Variants in ANKS1B observed in about 807,000 individuals in gnomAD.
ANKS1B encodes ankyrin repeat and sterile alpha motif domain containing 1B.
Under a neutral mutation model 148.3 loss-of-function variants are expected in ANKS1B, and 36 were observed. The observed-to-expected ratio is 0.24, with a 90% CI of 0.19 to 0.32. The LOEUF is 0.32. ANKS1B is among the 10% of genes least tolerant of loss of function. The pLI is 1.00. For missense variants in ANKS1B, 1,157 were observed against 1,542.6 expected (o/e 0.75, Z 4.19); for synonymous variants, 542 against 560.8 (o/e 0.97, Z 0.47).
chr12:99,413,600 T>TA (rs2094792658), intron 11 of ANKS1B, among the ~76,000 whole-genome samples: 1 of 152,198 alleles, frequency 6.6e-6, no homozygotes, highest in Non-Finnish European at 1.5e-5. Context: ...ATTAAACTCT[T>TA]ACAGTCACTA....
At chr12:98,887,585 A>T (rs2152583702) in intron 17 of ANKS1B, among the ~76,000 whole-genome samples, 1 of 151,412 alleles carries the variant, frequency 6.6e-6, no homozygotes, top group African/African-American at 2.4e-5. Context: ...GTTTTTCTTT[A>T]TTTTTTTTCT....
downstream of ANKS1B, among the ~76,000 whole-genome samples, chr12:98,740,584 TCA>T (rs1307211115): frequency 2.0e-5 from 3 of 152,346 alleles, no homozygotes; most frequent in East Asian, 5.8e-4. Context: ...TTCAAGTGTC[TCA>T]CATGTGTGTG....
intron 12 of ANKS1B, among the ~76,000 whole-genome samples, chr12:99,319,532 G>T (rs758127292): frequency 2.6e-5 from 4 of 152,162 alleles, no homozygotes; most frequent in Non-Finnish European, 4.4e-5. Context: ...TTGCTTGGTA[G>T]ATCTTCCTCC....
chr12:98,933,364 T>C (rs1248015821), intron 17 of ANKS1B, among the ~76,000 whole-genome samples: 2 of 152,172 alleles, frequency 1.3e-5, no homozygotes, highest in Non-Finnish European at 2.9e-5. Flanking sequence ...TATGCAACTG[T>C]GTATGCATAC....
chr12:99,909,251 TGTGTGTG>T (rs2093912650), intron 1 of ANKS1B, among the ~76,000 whole-genome samples: 1 of 151,402 alleles, frequency 6.6e-6, no homozygotes, highest in Non-Finnish European at 1.5e-5. Context: ...TGTGTGTGTG[TGTGTGTG>T]TGTGTGTGTA....
intron 14 of ANKS1B, among the ~76,000 whole-genome samples, chr12:99,200,735 T>C (rs1314760730): frequency 6.6e-6 from 1 of 152,104 alleles, no homozygotes; most frequent in Non-Finnish European, 1.5e-5. Context: ...AGAACCAATT[T>C]TACTATAAGA....
At chr12:99,550,066 C>T (rs1428839670) in intron 9 of ANKS1B, among the ~76,000 whole-genome samples, 1 of 152,188 alleles carries the variant, frequency 6.6e-6, no homozygotes, top group Non-Finnish European at 1.5e-5. Flanking sequence ...TGTTGTTGAG[C>T]CAGCAACTCT....
chr12:99,740,666 G>C (rs1406475373), intron 8 of ANKS1B, among the ~76,000 whole-genome samples: 1 of 152,182 alleles, frequency 6.6e-6, no homozygotes, highest in Non-Finnish European at 1.5e-5. Context: ...AATGCAGAAG[G>C]CGGGTGATTT....
intron 17 of ANKS1B, among the ~76,000 whole-genome samples, chr12:98,898,597 G>T (rs2099767981): frequency 6.6e-6 from 1 of 152,074 alleles, no homozygotes; most frequent in African/African-American, 2.4e-5. Flanking sequence ...ATTCTGTGAT[G>T]CACCAGGATA....
intron 4 of ANKS1B, among the ~76,000 whole-genome samples, chr12:99,784,338 A>AT (rs371448057): frequency 6.6e-6 from 1 of 151,618 alleles, no homozygotes; most frequent in Non-Finnish European, 1.5e-5. Context: ...CACCCAGCTA[A>AT]TTTTTTTGTA....
At chr12:99,607,928 A>G (rs571900859) in intron 9 of ANKS1B, among the ~76,000 whole-genome samples, 24 of 152,204 alleles carry the variant, frequency 1.6e-4, no homozygotes, top group African/African-American at 4.8e-4. Context: ...TTAGGCTGGT[A>G]ACTGAGGATC....
intron 17 of ANKS1B, among the ~76,000 whole-genome samples, chr12:98,994,032 T>C (rs2099928134): frequency 6.6e-6 from 1 of 152,216 alleles, no homozygotes. Context: ...AAAACACTCT[T>C]ACTTTTACAC....
chr12:99,053,764 C>T (rs928509818), intron 16 of ANKS1B, among the ~76,000 whole-genome samples: 1 of 152,170 alleles, frequency 6.6e-6, no homozygotes, highest in African/African-American at 2.4e-5. Context: ...GGAATTTGTG[C>T]TTATGCAAGA....
chr12:99,760,826 T>C (rs1287896928), intron 8 of ANKS1B, among the ~76,000 whole-genome samples: 2 of 147,826 alleles, frequency 1.4e-5, no homozygotes, highest in African/African-American at 2.5e-5. Context: ...AGAGACAATA[T>C]CCAAATAAGC....
chr12:99,589,873 C>T (rs2097682038), intron 9 of ANKS1B, among the ~76,000 whole-genome samples: 1 of 152,000 alleles, frequency 6.6e-6, no homozygotes, highest in South Asian at 2.1e-4. Context: ...GATAGACACC[C>T]CAATTACCCT....
At chr12:98,962,086 A>C (rs2099872409) in intron 17 of ANKS1B, among the ~76,000 whole-genome samples, 1 of 151,994 alleles carries the variant, frequency 6.6e-6, no homozygotes, top group South Asian at 2.1e-4. Flanking sequence ...ATCAGTAATA[A>C]CATTGAATGT....
chr12:98,795,001 T>C lies in ANKS1B; in HGVS notation c.3342+3933A>G, dbSNP rs796511191. On this transcript the variant is annotated intron_variant, in intron 22 of 26. Transcript: ENST00000683438. Reference sequence around the variant, plus strand: ...TCTGTAACCATTTCTTTTATGAACATTTGAAAATGCCCTTTGGAGACTTGA... The same window carrying C: ...TCTGTAACCATTTCTTTTATGAACACTTGAAAATGCCCTTTGGAGACTTGA... The C allele has an allele frequency of 2.2e-5, 20 of 907,158 alleles. No homozygotes were observed. In the African/African-American group the frequency reaches 3.1e-4, roughly 14 times the overall value. The allele number at this position is 907,158 out of a possible 1,614,324, so 56.2% of individuals were successfully genotyped here. A position where few individuals can be genotyped will look rare whatever the true frequency, so the allele number is the denominator to read the frequency against.
chr12:99,567,820 G>C (rs139616993), intron 9 of ANKS1B, among the ~76,000 whole-genome samples: 2 of 152,086 alleles, frequency 1.3e-5, no homozygotes, highest in African/African-American at 4.8e-5. Context: ...CACACTTTAC[G>C]TAACCAAGAA....
intron 24 of ANKS1B, among the ~76,000 whole-genome samples, chr12:98,779,322 C>CCT (rs1752484469): frequency 2.0e-5 from 3 of 152,080 alleles, no homozygotes; most frequent in South Asian, 4.1e-4. Flanking sequence ...TACAATGGAA[C>CCT]CGGCAGAGCT....
Sources: gnomAD v4.1 joint callset for allele counts (sites outside exome capture counted in the v4.1 genomes callset) on GRCh38, gnomAD v4.1.1 for gene constraint, MANE v1.5 for transcripts, NCBI Gene and HGNC (gene_info 2026-07-23, HGNC 2026-07-21) for gene names.